The following SEMA5A variants were observed in gnomAD, a reference collection of about 807,000 sequenced individuals.
SEMA5A encodes the protein semaphorin 5A.
SEMA5A carries 55 observed loss-of-function variants against 135.5 expected under a neutral mutation model. The observed-to-expected ratio is 0.41, with a 90% CI of 0.33 to 0.51. SEMA5A has a LOEUF of 0.51. Ranked by LOEUF, SEMA5A falls within the 20% of genes least tolerant of loss-of-function variation. The pLI is 0.37. For missense variants in SEMA5A, 1,290 were observed against 1,419.9 expected, an observed-to-expected ratio of 0.91 and a Z score of 1.47; for synonymous variants, 580 against 546.5, an observed-to-expected ratio of 1.06 and a Z score of -0.85.
intron 16 of SEMA5A, among the ~76,000 whole-genome samples, chr5:9,067,423 T>C (rs980717712): frequency 1.3e-5 from 2 of 152,184 alleles, no homozygotes; most frequent in African/African-American, 2.4e-5. Context: ...GGAGTTGACC[T>C]TGGATACAGT....
chr5:9,351,735 C>T (rs933058494), intron 3 of SEMA5A, among the ~76,000 whole-genome samples: 5 of 152,172 alleles, frequency 3.3e-5, no homozygotes, highest in African/African-American at 1.2e-4. Flanking sequence ...TTGTGAAATA[C>T]ACCCACACAG....
In SEMA5A at chr5:9,491,695, A is replaced by G. The variant is rs964299344; in HGVS notation, c.-174-53843T>C. On this transcript the variant is annotated intron_variant, in intron 1 of 22. Coordinates refer to ENST00000382496, the MANE Select transcript of SEMA5A (RefSeq NM_003966.3). The stretch of plus-strand genomic sequence containing the variant: ...CTGCCAAAATAATATTAAAGTAAAA[A>G]GAAAAACAACACAAAAATAACAATT... 4.6e-5 allele frequency among the ~76,000 whole-genome samples: 7 copies of G among 152,360 alleles called. No homozygotes were observed. In the East Asian group the frequency reaches 1.3e-3, roughly 29 times the overall value.
intron 4 of SEMA5A, among the ~76,000 whole-genome samples, chr5:9,329,255 A>G (rs1753010400): frequency 6.6e-6 from 1 of 152,110 alleles, no homozygotes; most frequent in Non-Finnish European, 1.5e-5. Context: ...CAAGATCATC[A>G]TACTTTTTGT....
chr5:9,425,987 T>C (rs374162705), intron 2 of SEMA5A, among the ~76,000 whole-genome samples: 1 of 152,180 alleles, frequency 6.6e-6, no homozygotes, highest in Non-Finnish European at 1.5e-5. Flanking sequence ...TATTAGAACC[T>C]GCATGCTTGT....
intron 4 of SEMA5A, among the ~76,000 whole-genome samples, chr5:9,334,895 C>G (rs895680935): frequency 6.6e-6 from 1 of 152,192 alleles, no homozygotes; most frequent in Non-Finnish European, 1.5e-5. Flanking sequence ...TTCATGTCCA[C>G]CATGCCATAC....
intron 5 of SEMA5A, among the ~76,000 whole-genome samples, chr5:9,270,090 A>G (rs1749893228): frequency 6.6e-6 from 1 of 152,166 alleles, no homozygotes; most frequent in Admixed American, 6.5e-5. Context: ...TCCTTCCAGG[A>G]GTCTGCAATT....
chr5:9,430,524 AGG>A (rs1456969774), intron 2 of SEMA5A, among the ~76,000 whole-genome samples: 2 of 152,176 alleles, frequency 1.3e-5, no homozygotes, highest in Non-Finnish European at 2.9e-5. Context: ...CTTGGATGGC[AGG>A]GAGATGACCA....
Position 9,190,695 on chromosome 5 carries a change from T to C in SEMA5A, c.1069-224A>G, listed in dbSNP as rs565002375. On this transcript the variant is annotated intron_variant, in intron 10 of 22. Coordinates refer to ENST00000382496, the MANE Select transcript of SEMA5A (RefSeq NM_003966.3). ...TCTTGGGAGTCTCCCAACATCATCA[T>C]AAATGAACTGATCAGAAGTTAAAAA... Among the ~76,000 whole-genome samples, 12 of 152,250 alleles carry C rather than the reference T, an allele frequency of 7.9e-5. No individual in the cohort carries two copies. The South Asian group carries it at 1.5e-3, about 18-fold the overall frequency.
At chr5:9,416,089 T>C (rs556322610) in intron 2 of SEMA5A, among the ~76,000 whole-genome samples, 4 of 152,302 alleles carry the variant, frequency 2.6e-5, no homozygotes, top group South Asian at 2.1e-4. Context: ...CTAAACCCTA[T>C]GCTATTTAGA....
chr5:9,477,967 G>A (rs149309772), intron 1 of SEMA5A, among the ~76,000 whole-genome samples: 168 of 152,320 alleles, frequency 1.1e-3, no homozygotes, highest in African/African-American at 3.8e-3. Flanking sequence ...GGCCCATGAG[G>A]GACCTTCCTG....
intron 5 of SEMA5A, among the ~76,000 whole-genome samples, chr5:9,310,588 TATTA>T (rs1425597021): frequency 1.3e-5 from 2 of 151,898 alleles, no homozygotes; most frequent in Admixed American, 6.6e-5. Context: ...TATTCTAAAT[TATTA>T]ATTAATATAT....
chr5:9,273,061 T>G (rs568415427), intron 5 of SEMA5A, among the ~76,000 whole-genome samples: 2 of 152,198 alleles, frequency 1.3e-5, no homozygotes, highest in Admixed American at 1.3e-4. Flanking sequence ...CAAACTCCTC[T>G]AAGGTAAAGG....
At chr5:9,125,590 G>T (rs1741063873) in intron 13 of SEMA5A, among the ~76,000 whole-genome samples, 1 of 151,836 alleles carries the variant, frequency 6.6e-6, no homozygotes, top group South Asian at 2.1e-4. Context: ...GTGAGAACAT[G>T]CAGCACTTGG....
At chr5:9,272,862 T>C (rs151259886) in intron 5 of SEMA5A, among the ~76,000 whole-genome samples, 7 of 152,088 alleles carry the variant, frequency 4.6e-5, no homozygotes, top group Admixed American at 4.6e-4. Flanking sequence ...CAAAGGTCAC[T>C]GACTTCAAAG....
At chr5:9,117,198 A>G (rs2150173854) in intron 15 of SEMA5A, among the ~76,000 whole-genome samples, 1 of 152,348 alleles carries the variant, frequency 6.6e-6, no homozygotes, top group Non-Finnish European at 1.5e-5. Context: ...GCTGTATGAA[A>G]AATCCTATGT....
chr5:9,153,001 G>C (rs982603304), intron 12 of SEMA5A, among the ~76,000 whole-genome samples: 2 of 151,882 alleles, frequency 1.3e-5, no homozygotes, highest in Non-Finnish European at 2.9e-5. Flanking sequence ...CCAGGAGGTG[G>C]AGATTGCAGT....
In SEMA5A at chr5:9,237,861, G is replaced by T; in HGVS notation, c.300C>A (p.Thr100=). The part of the protein sequence containing the change: ...QAVEWECDEA[T]KKACYSKGKS... ...TGCCTTTGCTGTAACAGGCCTTTTT[G>T]GTAGCTTCATCACACTCCCATTCCA... The change falls in exon 6 of 23, where the codon ACC becomes ACA. Residue 100 remains threonine (T), a synonymous_variant. Coordinates refer to ENST00000382496, the MANE Select transcript of SEMA5A (RefSeq NM_003966.3). 2 of 1,613,418 alleles carry T rather than the reference G, an allele frequency of 1.2e-6. No individual in the cohort carries two copies. Among genetic ancestry groups the T allele is most frequent in the Non-Finnish European group, 8.5e-7 (1 of 1,179,628 alleles).
chr5:9,096,045 G>A (rs253640), intron 16 of SEMA5A, among the ~76,000 whole-genome samples: 6,186 of 152,220 alleles, frequency 0.041, 451 homozygotes, highest in African/African-American at 0.14. Context: ...GGCTAGTAGG[G>A]TCCTATGGTA....
chr5:9,150,485 T>C (rs1411364243), intron 12 of SEMA5A, among the ~76,000 whole-genome samples: 1 of 152,082 alleles, frequency 6.6e-6, no homozygotes, highest in East Asian at 1.9e-4. Flanking sequence ...TAAAAAAAAA[T>C]GCTAACATCA....
Sources: allele counts gnomAD v4.1 joint callset (sites outside exome capture counted in the v4.1 genomes callset), GRCh38; gene constraint gnomAD v4.1.1; transcripts MANE v1.5; gene names NCBI Gene and HGNC (gene_info 2026-07-23, HGNC 2026-07-21).